PTPRM: variants seen among roughly 807,000 people sequenced by gnomAD.
PTPRM encodes receptor-type tyrosine-protein phosphatase mu.
A neutral mutation model predicts 186.7 loss-of-function variants in PTPRM; 47 were observed. The observed-to-expected ratio is 0.25, with a 90% CI of 0.20 to 0.32. The LOEUF (loss-of-function observed/expected upper bound fraction) is 0.32. Among genes scored for constraint, PTPRM ranks in the 10% least tolerant of loss-of-function variants. The probability of loss-of-function intolerance (pLI) is 1.00; values close to 1 mark genes in which losing one functional copy is unlikely to be tolerated. For synonymous variants in PTPRM, 668 were observed against 674.9 expected, an observed-to-expected ratio of 0.99 and a Z score of 0.16; for missense variants, 1,494 against 1,865.0, an observed-to-expected ratio of 0.80 and a Z score of 3.66.
At chr18:8,160,849 T>C (rs2093217343) in intron 14 of PTPRM, among the ~76,000 whole-genome samples, 1 of 152,212 alleles carries the variant, frequency 6.6e-6, no homozygotes, top group Admixed American at 6.5e-5. Context: ...GATTCATTGT[T>C]CCCATTGCCA....
At chr18:8,387,967 C>T (rs1164224142) in intron 31 of PTPRM, among the ~76,000 whole-genome samples, 1 of 150,104 alleles carries the variant, frequency 6.7e-6, no homozygotes, top group Non-Finnish European at 1.5e-5. Flanking sequence ...AAGCCCACAC[C>T]TAGGCCACAC....
intron 8 of PTPRM, among the ~76,000 whole-genome samples, chr18:8,073,987 A>G (rs1309355364): frequency 6.6e-6 from 1 of 152,208 alleles, no homozygotes; most frequent in Non-Finnish European, 1.5e-5. Context: ...GATTTGTCCA[A>G]ATTGCACAAT....
intron 19 of PTPRM, among the ~76,000 whole-genome samples, chr18:8,291,285 G>C (rs1433397875): frequency 6.6e-6 from 1 of 152,178 alleles, no homozygotes; most frequent in African/African-American, 2.4e-5. Context: ...AAACTTGAAT[G>C]TAAGGATTTG....
At chr18:7,652,732 A>T (rs1187147003) in intron 1 of PTPRM, among the ~76,000 whole-genome samples, 1 of 122,680 alleles carries the variant, frequency 8.2e-6, no homozygotes. Context: ...GCAGGGGAAC[A>T]TCACACTCTG....
intron 31 of PTPRM, among the ~76,000 whole-genome samples, chr18:8,390,968 T>TAATAAA (rs1187436819): frequency 1.4e-5 from 2 of 148,124 alleles, no homozygotes; most frequent in African/African-American, 5.0e-5. Context: ...ATAATAATAA[T>TAATAAA]AAAGATGTCC....
intron 1 of PTPRM, among the ~76,000 whole-genome samples, chr18:7,700,222 T>G (rs1319696533): frequency 6.6e-6 from 1 of 152,202 alleles, no homozygotes; most frequent in African/African-American, 2.4e-5. Flanking sequence ...AGAAAAAATC[T>G]TTAGCTGCCA....
intron 2 of PTPRM, among the ~76,000 whole-genome samples, chr18:7,795,604 A>G (rs2145266651): frequency 6.6e-6 from 1 of 152,224 alleles, no homozygotes; most frequent in East Asian, 1.9e-4. Context: ...GATGCATTGC[A>G]GGTCAAGTTA....
chr18:7,688,467 A>G (rs866718489), intron 1 of PTPRM, among the ~76,000 whole-genome samples: 39 of 152,318 alleles, frequency 2.6e-4, no homozygotes, highest in African/African-American at 9.4e-4. Context: ...GTCTATGAGT[A>G]TTGTTGGCCA....
intron 1 of PTPRM, among the ~76,000 whole-genome samples, chr18:7,652,467 G>A (rs996744682): frequency 9.2e-5 from 14 of 151,990 alleles, no homozygotes; most frequent in East Asian, 1.9e-4. Flanking sequence ...TGTTTATTGC[G>A]GCACTATTCA....
intron 14 of PTPRM, among the ~76,000 whole-genome samples, chr18:8,181,274 C>A (rs1393678089): frequency 6.6e-6 from 1 of 152,096 alleles, no homozygotes; most frequent in Non-Finnish European, 1.5e-5. Flanking sequence ...CCAAGTGTAC[C>A]CCGTCTTTTT....
intron 2 of PTPRM, among the ~76,000 whole-genome samples, chr18:7,879,973 A>G (rs1456987820): frequency 6.6e-6 from 1 of 152,182 alleles, no homozygotes; most frequent in Non-Finnish European, 1.5e-5. Context: ...GAATCCTGGC[A>G]GAAGGTGGAG....
At chr18:8,285,705 G>T (rs1278635425) in intron 19 of PTPRM, among the ~76,000 whole-genome samples, 1 of 152,244 alleles carries the variant, frequency 6.6e-6, no homozygotes, top group African/African-American at 2.4e-5. Context: ...AAGAGTTCTT[G>T]GCTTGGCTGG....
intron 19 of PTPRM, among the ~76,000 whole-genome samples, chr18:8,261,549 T>C (rs2094631636): frequency 6.6e-6 from 1 of 152,292 alleles, no homozygotes; most frequent in Admixed American, 6.5e-5. Context: ...CATGAATATT[T>C]GGTTTATTTT....
intron 7 of PTPRM, among the ~76,000 whole-genome samples, chr18:7,967,923 A>C (rs1048864679): frequency 4.0e-5 from 4 of 99,378 alleles, no homozygotes; most frequent in Non-Finnish European, 7.6e-5. Flanking sequence ...CTAGCAAGGC[A>C]GGCCAACGTT....
chr18:8,267,868 A>C (rs2094720781), intron 19 of PTPRM, among the ~76,000 whole-genome samples: 1 of 152,154 alleles, frequency 6.6e-6, no homozygotes. Context: ...GTTCCATTTG[A>C]AGCTATACAT....
intron 14 of PTPRM, among the ~76,000 whole-genome samples, chr18:8,185,547 C>T (rs762275929): frequency 5.3e-5 from 8 of 152,204 alleles, no homozygotes; most frequent in Non-Finnish European, 8.8e-5. Flanking sequence ...TAGACATTAC[C>T]GTCTGGCACA....
chr18:8,204,014 C>G (rs899541863), intron 14 of PTPRM, among the ~76,000 whole-genome samples: 1 of 152,160 alleles, frequency 6.6e-6, no homozygotes, highest in Non-Finnish European at 1.5e-5. Flanking sequence ...GCAGGATTCA[C>G]CTAAGCCACA....
At chr18:8,141,620 A>G (rs755383748) in intron 13 of PTPRM, among the ~76,000 whole-genome samples, 6 of 152,218 alleles carry the variant, frequency 3.9e-5, no homozygotes, top group Non-Finnish European at 8.8e-5. Context: ...TTATATTAAA[A>G]TGTCTTAAGG....
chr18:8,306,135 G>C lies in PTPRM; in HGVS notation c.2843-8646G>C, dbSNP rs145926996. Among the ~76,000 whole-genome samples the C allele has an allele frequency of 6.4e-3, 977 of 152,244 alleles. 6 individuals are homozygous for C. Among genetic ancestry groups the C allele is most frequent in the African/African-American group, 0.02 (847 of 41,540 alleles). Reference sequence around the variant, plus strand: ...TGGTCTCGAACTCCCGACCTGAGGTGATCCGCCCACCTCGGCCTCCCAAAG... The same window carrying C: ...TGGTCTCGAACTCCCGACCTGAGGTCATCCGCCCACCTCGGCCTCCCAAAG... On this transcript the variant is annotated intron_variant, in intron 20 of 32. Transcript: ENST00000580170.
Sources: allele counts gnomAD v4.1 joint callset (sites outside exome capture counted in the v4.1 genomes callset), GRCh38; gene constraint gnomAD v4.1.1; transcripts MANE v1.5; gene names NCBI Gene and HGNC (gene_info 2026-07-23, HGNC 2026-07-21).